Variants in ZNF438 observed in about 807,000 individuals in gnomAD.
ZNF438 encodes the protein zinc finger protein 438.
Under a neutral mutation model 38.0 loss-of-function variants are expected in ZNF438, and 25 were observed. The ratio of observed to expected loss-of-function variants is 0.66; its 90% CI spans 0.48 to 0.92. ZNF438 has a LOEUF of 0.92. Ranked by LOEUF, ZNF438 falls within the 40% of genes least tolerant of loss-of-function variation. The pLI is 0.00. For synonymous variants in ZNF438, 372 were observed against 364.1 expected, an observed-to-expected ratio of 1.02 and a Z score of -0.25; for missense variants, 1,007 against 999.6, an observed-to-expected ratio of 1.01 and a Z score of -0.10.
At chr10:30,950,144 G>C (rs1302816340) in intron 1 of ZNF438, among the ~76,000 whole-genome samples, 80 of 149,770 alleles carry the variant, frequency 5.3e-4, no homozygotes, top group African/African-American at 1.7e-3. Flanking sequence ...GCTCCTGAAT[G>C]ACTACTGGGT....
intron 3 of ZNF438, among the ~76,000 whole-genome samples, chr10:30,894,145 C>T (rs1256383194): frequency 1.3e-5 from 2 of 152,138 alleles, no homozygotes; most frequent in Admixed American, 1.3e-4. Context: ...AGAAGATGCT[C>T]TACTTGTTAC....
chr10:31,024,616 A>C lies in ZNF438; in HGVS notation c.-192+7217T>G, dbSNP rs949022295. Among the ~76,000 whole-genome samples, 9 of 152,038 alleles carry C rather than the reference A, an allele frequency of 5.9e-5. 1 individual carries two copies. In the South Asian group the frequency reaches 1.2e-3, roughly 21 times the overall value. ...GCGCTCCAGCCTGAGCGACAGAGCG[A>C]GACTCTGTCTCAAAAAAAAAAAAAG... On this transcript the variant is annotated intron_variant, in intron 1 of 5. Transcript: ENST00000413025.
At chr10:30,927,387 C>A (rs59315565) in intron 2 of ZNF438, among the ~76,000 whole-genome samples, 56 of 152,326 alleles carry the variant, frequency 3.7e-4, no homozygotes, top group African/African-American at 1.3e-3. Flanking sequence ...TATATATGAC[C>A]TTGGAGGAAA....
intron 1 of ZNF438, among the ~76,000 whole-genome samples, chr10:31,009,475 C>T (rs2055455274): frequency 6.6e-6 from 1 of 152,156 alleles, no homozygotes; most frequent in Non-Finnish European, 1.5e-5. Flanking sequence ...ACAATATTTT[C>T]CACAGTTATA....
At chr10:30,860,579 G>A (rs1564508795) in intron 4 of ZNF438, among the ~76,000 whole-genome samples, 2 of 152,090 alleles carry the variant, frequency 1.3e-5, no homozygotes, top group Non-Finnish European at 2.9e-5. Flanking sequence ...TGACACTCAC[G>A]CTGGTAGCTC....
chr10:30,941,177 C>T (rs139617316), intron 2 of ZNF438, among the ~76,000 whole-genome samples: 12,058 of 152,092 alleles, frequency 0.079, 574 homozygotes, highest in Non-Finnish European at 0.11. Flanking sequence ...GTTGAAGCAA[C>T]TCTCCTGTCT....
intron 1 of ZNF438, among the ~76,000 whole-genome samples, chr10:31,030,806 T>C (rs1268761938): frequency 6.6e-6 from 1 of 152,244 alleles, no homozygotes; most frequent in Non-Finnish European, 1.5e-5. Context: ...AGAGGCATTA[T>C]AGTCTAGTAA....
intron 3 of ZNF438, among the ~76,000 whole-genome samples, chr10:30,883,781 G>A (rs559872141): frequency 6.6e-6 from 1 of 152,198 alleles, no homozygotes; most frequent in African/African-American, 2.4e-5. Context: ...AGATACTCTG[G>A]AAGCTGAGGT....
chr10:30,916,052 T>C (rs2043594365), intron 2 of ZNF438, among the ~76,000 whole-genome samples: 1 of 152,034 alleles, frequency 6.6e-6, no homozygotes, highest in Non-Finnish European at 1.5e-5. Context: ...TGGCGGAACT[T>C]CTGAGAAACA....
chr10:30,862,332 C>T (rs1045487054), intron 4 of ZNF438, among the ~76,000 whole-genome samples: 23 of 152,198 alleles, frequency 1.5e-4, no homozygotes, highest in Admixed American at 1.2e-3. Context: ...GACAGGGACT[C>T]GCTCTATCAC....
chr10:30,920,690 A>G (rs1177328604), intron 2 of ZNF438: 2 of 152,242 alleles, frequency 1.3e-5, no homozygotes, highest in Non-Finnish European at 2.9e-5. Context: ...GATCAGTTAT[A>G]AAGAGCACTG....
At chr10:31,024,027 T>C (rs2056781855) in intron 1 of ZNF438, among the ~76,000 whole-genome samples, 1 of 152,208 alleles carries the variant, frequency 6.6e-6, no homozygotes, top group Admixed American at 6.5e-5. Context: ...CAAATTAGAA[T>C]AGGCTTACAA....
exon 6 of ZNF438, chr10:30,844,931 C>A (rs766918668): frequency 1.4e-5 from 23 of 1,596,308 alleles, no homozygotes; most frequent in Middle Eastern, 3.7e-4. Context: ...CGGCAGAGCT[C>A]TCTCCTTAAC....
exon 5 of ZNF438, chr10:30,849,729 C>T: frequency 1.2e-6 from 2 of 1,614,186 alleles, no homozygotes; most frequent in South Asian, 1.1e-5. Context: ...GCAGGCTCCT[C>T]TGGTGTGGAT....
chr10:30,950,132 C>G (rs1476636596), intron 1 of ZNF438, among the ~76,000 whole-genome samples: 8 of 149,486 alleles, frequency 5.4e-5, no homozygotes, highest in Non-Finnish European at 1.2e-4. Flanking sequence ...ACTGAACAAC[C>G]TGCTCCTGAA....
intron 1 of ZNF438, among the ~76,000 whole-genome samples, chr10:30,994,134 A>T (rs537597346): frequency 8.5e-5 from 13 of 152,352 alleles, no homozygotes; most frequent in Admixed American, 8.5e-4. Flanking sequence ...GTCTCACTCA[A>T]ATCTGATTTA....
chr10:30,901,016 G>A (rs2041910024), intron 3 of ZNF438, among the ~76,000 whole-genome samples: 1 of 152,158 alleles, frequency 6.6e-6, no homozygotes, highest in Admixed American at 6.5e-5. Flanking sequence ...TGACTGTCCT[G>A]ATTCTCCTAA....
chr10:30,857,694 T>A (rs1215889754), intron 4 of ZNF438: 16 of 1,504,530 alleles, frequency 1.1e-5, no homozygotes, highest in Middle Eastern at 1.7e-4. Context: ...CATAGGACTC[T>A]GAGAAATCCA....
chr10:30,845,576 G>A lies in ZNF438; in HGVS notation c.1875-3C>T. ...CTTCCAGGTTGGACTTGTTTTCCCTGAAAAGGCCAATAATAATGAAGATAA... is the reference window on the plus strand; with the variant it reads ...CTTCCAGGTTGGACTTGTTTTCCCTAAAAAGGCCAATAATAATGAAGATAA... On this transcript the variant is annotated splice_polypyrimidine_tract_variant and splice_region_variant and intron_variant, in intron 5 of 5. Coordinates refer to ENST00000413025, the Ensembl canonical transcript of ZNF438. 6.2e-7 allele frequency: 1 copy of A among 1,604,868 alleles called. No individual in the cohort carries two copies. Among genetic ancestry groups the A allele is most frequent in the Non-Finnish European group, 8.5e-7 (1 of 1,176,472 alleles).
Sources: allele counts gnomAD v4.1 joint callset (sites outside exome capture counted in the v4.1 genomes callset), GRCh38; gene constraint gnomAD v4.1.1; transcripts MANE v1.5; gene names NCBI Gene and HGNC (gene_info 2026-07-23, HGNC 2026-07-21).